Variants in CLNK observed in about 807,000 individuals in gnomAD.
CLNK encodes the protein cytokine-dependent hematopoietic cell linker.
In CLNK, 74 loss-of-function variants were observed where a neutral mutation model predicts 68.6. The observed-to-expected ratio is 1.08, with a 90% CI of 0.89 to 1.31. The LOEUF (loss-of-function observed/expected upper bound fraction) is 1.31, where lower values mean the gene tolerates loss of function less well. CLNK is among the 50% of genes most tolerant of loss of function. CLNK has a pLI of 0.00. For synonymous variants in CLNK, 198 were observed against 172.2 expected (o/e 1.15, Z -1.17); for missense variants, 553 against 515.3 (o/e 1.07, Z -0.71).
intron 11 of CLNK, among the ~76,000 whole-genome samples, chr4:10,536,867 C>T (rs181458792): frequency 3.5e-4 from 53 of 152,158 alleles, no homozygotes; most frequent in African/African-American, 1.0e-3. Flanking sequence ...AGACAGTAAC[C>T]CAATAGACCT....
chr4:10,554,523 CTAT>C (rs748733821), intron 8 of CLNK, among the ~76,000 whole-genome samples: 2 of 152,106 alleles, frequency 1.3e-5, no homozygotes, highest in East Asian at 3.9e-4. Flanking sequence ...TCTCTGAGGC[CTAT>C]TATTTTTCTT....
the CLNK span, among the ~76,000 whole-genome samples, chr4:10,702,600 T>A: frequency 1.3e-5 from 2 of 152,196 alleles, no homozygotes; most frequent in Non-Finnish European, 2.9e-5. Flanking sequence ...ACATGTATAT[T>A]TGACTATTTC....
chr4:10,616,817 TATATATACAC>T (rs1560244245), intron 2 of CLNK, among the ~76,000 whole-genome samples: 52 of 120,684 alleles, frequency 4.3e-4, no homozygotes, highest in Middle Eastern at 4.2e-3. Context: ...TATATATATA[TATATATACAC>T]GCATTTTTTT....
chr4:10,660,047 C>A (rs900869085), intron 2 of CLNK, among the ~76,000 whole-genome samples: 1 of 152,184 alleles, frequency 6.6e-6, no homozygotes, highest in Non-Finnish European at 1.5e-5. Flanking sequence ...AAATGCTGGA[C>A]TTTATTACTG....
Position 10,501,303 on chromosome 4 carries a change from C to T in CLNK, c.1093G>A (p.Glu365Lys), listed in dbSNP as rs1480256445. The T allele has an allele frequency of 1.2e-6, 2 of 1,606,574 alleles. No individual in the cohort carries two copies. Among genetic ancestry groups the T allele is most frequent in the Non-Finnish European group, 8.5e-7 (1 of 1,177,494 alleles). The change falls in exon 18 of 19, where the codon GAG (glutamate) becomes AAG (lysine). Residue 365 changes from glutamate to lysine, a missense_variant. Transcript: ENST00000226951. Reference sequence around the variant, plus strand: ...CCCAGGGCAAACTGCTGATTCCTCTCCAGGAAGCGTATTTTTACATTGTAG... The same window carrying T: ...CCCAGGGCAAACTGCTGATTCCTCTTCAGGAAGCGTATTTTTACATTGTAG... ...KVYNVKIRFL[E>K]RNQQFALGTG...
intron 8 of CLNK, among the ~76,000 whole-genome samples, chr4:10,555,633 T>G (rs1480877204): frequency 6.6e-6 from 1 of 152,144 alleles, no homozygotes; most frequent in African/African-American, 2.4e-5. Context: ...TGACATAAAA[T>G]GTACATTAAC....
At chr4:10,706,062 G>A in the CLNK span, among the ~76,000 whole-genome samples, 243 of 152,340 alleles carry the variant, frequency 1.6e-3, no homozygotes, top group African/African-American at 5.7e-3. Flanking sequence ...AGAGGAACCA[G>A]AAACAAGGTG....
chr4:10,549,759 C>T (rs1162780750), intron 8 of CLNK, among the ~76,000 whole-genome samples: 1 of 152,230 alleles, frequency 6.6e-6, no homozygotes, highest in Non-Finnish European at 1.5e-5. Context: ...GAAAAGTTCT[C>T]TGTCAAACAA....
At chr4:10,715,995 G>A in the CLNK span, among the ~76,000 whole-genome samples, 11 of 152,304 alleles carry the variant, frequency 7.2e-5, no homozygotes, top group African/African-American at 1.9e-4. Context: ...CTGAGCCTCC[G>A]CTGTTTGAGA....
chr4:10,610,221 T>A (rs1451637585), intron 2 of CLNK, among the ~76,000 whole-genome samples: 4 of 150,082 alleles, frequency 2.7e-5, no homozygotes. Flanking sequence ...TGCGCCCGGC[T>A]AATTTTTTGT....
chr4:10,565,908 A>G, intron 6 of CLNK, 101 bp downstream of exon 6: 1 of 1,292,604 alleles, frequency 7.7e-7, no homozygotes, highest in Non-Finnish European at 1.1e-6. Flanking sequence ...GGCAGACGTT[A>G]ACCTAGGGTT....
At chr4:10,507,036 A>T (rs1577093032) in intron 17 of CLNK, among the ~76,000 whole-genome samples, 1 of 151,508 alleles carries the variant, frequency 6.6e-6, no homozygotes, top group Admixed American at 6.6e-5. Context: ...CGATCTCCTG[A>T]CCTCGTGAGC....
At chr4:10,585,244 T>G (rs1016119290) in intron 3 of CLNK, among the ~76,000 whole-genome samples, 4 of 152,254 alleles carry the variant, frequency 2.6e-5, no homozygotes, top group African/African-American at 9.6e-5. Context: ...CCTGAAGATG[T>G]ATGCATACAT....
the CLNK span, among the ~76,000 whole-genome samples, chr4:10,709,427 G>A: frequency 3.2e-4 from 48 of 152,284 alleles, no homozygotes; most frequent in South Asian, 2.5e-3. Flanking sequence ...ACAAAGTCTC[G>A]TGGAAGTTAA....
At chr4:10,719,549 C>T in the CLNK span, among the ~76,000 whole-genome samples, 1 of 151,728 alleles carries the variant, frequency 6.6e-6, no homozygotes, top group African/African-American at 2.4e-5. Context: ...CACAAAGAAA[C>T]AGAATTATAA....
At position 10,532,284 on chromosome 4, in the gene CLNK, C is replaced by G. The variant is rs767111672; in HGVS notation, c.603-1G>C. The G allele has an allele frequency of 2.5e-6, 4 of 1,609,090 alleles. No homozygotes were observed. The highest frequency in any genetic ancestry group is 1.3e-5 in the African/African-American group (1 of 74,848). On this transcript the variant is annotated splice_acceptor_variant, in intron 11 of 18. Transcript: ENST00000226951. LOFTEE classifies it high-confidence loss of function. The stretch of plus-strand genomic sequence containing the variant: ...ACTTAAGTCCCTTAAGCTTATCTGA[C>G]TGCAAGAAAAAGAAATACGGTGTTA...
intron 2 of CLNK, among the ~76,000 whole-genome samples, chr4:10,612,278 G>A (rs774572550): frequency 1.3e-5 from 2 of 152,230 alleles, no homozygotes; most frequent in Non-Finnish European, 2.9e-5. Context: ...ACAGAAATGA[G>A]CTTTTGTACA....
At chr4:10,670,767 G>A (rs1038783983) in intron 1 of CLNK, among the ~76,000 whole-genome samples, 1 of 152,130 alleles carries the variant, frequency 6.6e-6, no homozygotes, top group African/African-American at 2.4e-5. Flanking sequence ...AAAAGTTAGA[G>A]TATGTCATTA....
At chr4:10,514,987 A>G (rs1717765268) in intron 15 of CLNK, among the ~76,000 whole-genome samples, 1 of 152,250 alleles carries the variant, frequency 6.6e-6, no homozygotes, top group African/African-American at 2.4e-5. Context: ...CTGTAATCCC[A>G]GCACTTCGGG....
Sources: allele counts gnomAD v4.1 joint callset (sites outside exome capture counted in the v4.1 genomes callset), GRCh38; gene constraint gnomAD v4.1.1; transcripts MANE v1.5; gene names NCBI Gene and HGNC (gene_info 2026-07-23, HGNC 2026-07-21).